PDE4D: variants seen among roughly 807,000 people sequenced by gnomAD.
The protein encoded by PDE4D is 3',5'-cyclic-AMP phosphodiesterase 4D.
PDE4D carries 24 observed loss-of-function variants against 87.4 expected under a neutral mutation model. The observed-to-expected ratio is 0.27, with a 90% CI of 0.20 to 0.39. PDE4D has a LOEUF of 0.39. PDE4D is among the 10% of genes least tolerant of loss of function. PDE4D has a pLI of 1.00. For missense variants in PDE4D, 714 were observed against 1,041.0 expected (o/e 0.69, Z 4.32); for synonymous variants, 384 against 383.2 (o/e 1.00, Z -0.02).
intron 3 of PDE4D, among the ~76,000 whole-genome samples, chr5:59,186,764 A>G (rs1039844333): frequency 2.0e-5 from 3 of 152,198 alleles, no homozygotes; most frequent in Admixed American, 6.5e-5. Flanking sequence ...CAGTCACTGG[A>G]AAAACCTGGC....
At chr5:60,155,289 T>C (rs1359785444) in intron 2 of PDE4D, among the ~76,000 whole-genome samples, 2 of 152,228 alleles carry the variant, frequency 1.3e-5, no homozygotes, top group Admixed American at 6.5e-5. Context: ...GTAGCAATTT[T>C]TGTGGTGTGT....
chr5:60,093,339 T>A (rs187058522), intron 2 of PDE4D, among the ~76,000 whole-genome samples: 290 of 152,318 alleles, frequency 1.9e-3, no homozygotes, highest in Non-Finnish European at 3.5e-3. Flanking sequence ...TCCTTCTTTT[T>A]ATATTCAGGA....
intron 1 of PDE4D, among the ~76,000 whole-genome samples, chr5:59,262,713 C>G (rs899056743): frequency 6.6e-6 from 1 of 151,796 alleles, no homozygotes; most frequent in African/African-American, 2.4e-5. Flanking sequence ...TTAGAGTGAG[C>G]CTGAAGTGGT....
intron 3 of PDE4D, among the ~76,000 whole-genome samples, chr5:59,922,473 A>G (rs1348621905): frequency 6.6e-6 from 1 of 152,062 alleles, no homozygotes; most frequent in African/African-American, 2.4e-5. Flanking sequence ...GAGGAGAGGG[A>G]AGAGTAGAGG....
chr5:60,396,756 T>C (rs1365467098), intron 1 of PDE4D, among the ~76,000 whole-genome samples: 1 of 152,214 alleles, frequency 6.6e-6, no homozygotes, highest in Non-Finnish European at 1.5e-5. Context: ...TAGGTATCTA[T>C]GCCAGCTTGG....
chr5:59,748,851 A>T (rs1166341475), intron 1 of PDE4D, among the ~76,000 whole-genome samples: 2 of 152,322 alleles, frequency 1.3e-5, no homozygotes, highest in African/African-American at 4.8e-5. Context: ...AAGCACAAAC[A>T]GTGAGGAACT....
intron 1 of PDE4D, among the ~76,000 whole-genome samples, chr5:60,340,767 A>G (rs187155930): frequency 2.4e-4 from 37 of 152,328 alleles, no homozygotes; most frequent in African/African-American, 7.5e-4. Flanking sequence ...AAGAGTTTAA[A>G]CAATCCAATT....
intron 1 of PDE4D, among the ~76,000 whole-genome samples, chr5:60,485,320 A>G (rs1350361113): frequency 1.3e-5 from 2 of 152,148 alleles, no homozygotes; most frequent in African/African-American, 4.8e-5. Context: ...AAGCTGAAGA[A>G]ATCAAATCAG....
At chr5:59,377,139 C>A (rs1055033550) in intron 1 of PDE4D, among the ~76,000 whole-genome samples, 5 of 152,020 alleles carry the variant, frequency 3.3e-5, no homozygotes, top group Non-Finnish European at 5.9e-5. Context: ...CCTGACAGGC[C>A]AGGTGTGGTG....
chr5:59,905,734 C>T (rs544605746), intron 3 of PDE4D, among the ~76,000 whole-genome samples: 10 of 152,038 alleles, frequency 6.6e-5, no homozygotes, highest in East Asian at 3.9e-4. Context: ...TAAGTATACA[C>T]GCATATATAC....
chr5:59,642,353 T>A (rs1421562025), intron 1 of PDE4D, among the ~76,000 whole-genome samples: 1 of 152,174 alleles, frequency 6.6e-6, no homozygotes, highest in African/African-American at 2.4e-5. Flanking sequence ...ACTTATATAG[T>A]TTTCTATGTC....
upstream of PDE4D, among the ~76,000 whole-genome samples, chr5:60,492,721 A>T (rs1749597283): frequency 6.6e-6 from 1 of 152,114 alleles, no homozygotes; most frequent in Non-Finnish European, 1.5e-5. Flanking sequence ...GGCAGGGAAC[A>T]TCACACACGA....
At chr5:59,519,971 CT>C (rs1376694025) in intron 1 of PDE4D, among the ~76,000 whole-genome samples, 2 of 152,194 alleles carry the variant, frequency 1.3e-5, no homozygotes, top group African/African-American at 4.8e-5. Flanking sequence ...ATAAATGAGG[CT>C]GTTTATGGGC....
chr5:59,729,710 T>A lies in PDE4D; in HGVS notation c.455+163458A>T, dbSNP rs538968219. On this transcript the variant is annotated intron_variant, in intron 1 of 14. Coordinates refer to ENST00000340635, the MANE Select transcript of PDE4D (RefSeq NM_001104631.2). ...AAGTCTAGAAAACCCAATATCAGCC[T>A]GTCAATATTTATATTATTCAGAGGG... 2.0e-3 allele frequency among the ~76,000 whole-genome samples: 306 copies of A among 152,154 alleles called. 1 individual carries two copies. The highest frequency in any genetic ancestry group is 7.1e-3 in the African/African-American group (293 of 41,512).
At chr5:60,432,181 A>G (rs1411076545) in intron 1 of PDE4D, among the ~76,000 whole-genome samples, 2 of 152,162 alleles carry the variant, frequency 1.3e-5, no homozygotes, top group Non-Finnish European at 2.9e-5. Flanking sequence ...GGATTTTTGC[A>G]TCTATGTTCA....
chr5:60,078,529 C>T (rs910851753), intron 2 of PDE4D, among the ~76,000 whole-genome samples: 14 of 151,992 alleles, frequency 9.2e-5, no homozygotes, highest in African/African-American at 3.1e-4. Flanking sequence ...CCTCTAAGTT[C>T]CCTCCACTCA....
intron 1 of PDE4D, among the ~76,000 whole-genome samples, chr5:60,233,995 C>T (rs1017539954): frequency 6.6e-6 from 1 of 151,778 alleles, no homozygotes; most frequent in African/African-American, 2.4e-5. Flanking sequence ...ATTCACATAC[C>T]ATTTGAAGTG....
chr5:60,239,213 A>C (rs988124297), intron 1 of PDE4D, among the ~76,000 whole-genome samples: 9 of 152,104 alleles, frequency 5.9e-5, no homozygotes, highest in African/African-American at 1.9e-4. Context: ...ATCTCCTAGC[A>C]TCATTTATTG....
intron 1 of PDE4D, among the ~76,000 whole-genome samples, chr5:59,841,035 T>C (rs1409158432): frequency 6.6e-6 from 1 of 152,040 alleles, no homozygotes; most frequent in African/African-American, 2.4e-5. Flanking sequence ...ATTCCCCAAA[T>C]TATTGTCTCT....
Sources: allele counts gnomAD v4.1 joint callset (sites outside exome capture counted in the v4.1 genomes callset), GRCh38; gene constraint gnomAD v4.1.1; transcripts MANE v1.5; gene names NCBI Gene and HGNC (gene_info 2026-07-23, HGNC 2026-07-21).